CDH18: variants seen among roughly 807,000 people sequenced by gnomAD.
CDH18 encodes cadherin 18.
CDH18 carries 31 observed loss-of-function variants against 67.9 expected under a neutral mutation model. The observed-to-expected ratio is 0.46, with a 90% confidence interval of 0.34 to 0.62. CDH18 has a LOEUF of 0.62. CDH18 is among the 20% of genes least tolerant of loss of function. The pLI is 0.01. For missense variants in CDH18, 890 were observed against 975.5 expected (o/e 0.91, Z 1.17); for synonymous variants, 362 against 347.2 (o/e 1.04, Z -0.48).
At chr5:20,544,390 A>G (rs906846394) in intron 1 of CDH18, among the ~76,000 whole-genome samples, 1 of 152,200 alleles carries the variant, frequency 6.6e-6, no homozygotes, top group Non-Finnish European at 1.5e-5. Context: ...ACATATGTGT[A>G]TATATATATC....
At chr5:20,179,107 T>C (rs1475567287) in intron 2 of CDH18, among the ~76,000 whole-genome samples, 1 of 152,142 alleles carries the variant, frequency 6.6e-6, no homozygotes, top group Non-Finnish European at 1.5e-5. Flanking sequence ...ATAATTTATG[T>C]ACGTTAGAGG....
At chr5:20,149,323 T>G (rs942519260) in intron 2 of CDH18, among the ~76,000 whole-genome samples, 3 of 152,198 alleles carry the variant, frequency 2.0e-5, no homozygotes, top group Admixed American at 2.0e-4. Context: ...AATTTTTATA[T>G]CTTCTGCATT....
intron 2 of CDH18, among the ~76,000 whole-genome samples, chr5:20,139,833 G>T (rs1266141178): frequency 6.6e-6 from 1 of 152,182 alleles, no homozygotes; most frequent in Non-Finnish European, 1.5e-5. Context: ...TGCTGGAGAG[G>T]ATGTGGAGAA....
chr5:19,826,763 C>A (rs1219909638), intron 3 of CDH18, among the ~76,000 whole-genome samples: 2 of 152,068 alleles, frequency 1.3e-5, no homozygotes, highest in South Asian at 2.1e-4. Flanking sequence ...ATACCATTAC[C>A]AGCCAGAACA....
At chr5:19,778,875 T>A (rs1180024591) in intron 3 of CDH18, among the ~76,000 whole-genome samples, 4 of 152,134 alleles carry the variant, frequency 2.6e-5, no homozygotes, top group Non-Finnish European at 5.9e-5. Context: ...CTGCAGCCCC[T>A]GTTTCCTTTT....
At chr5:20,391,781 A>G (rs955544478) in intron 1 of CDH18, among the ~76,000 whole-genome samples, 1 of 152,042 alleles carries the variant, frequency 6.6e-6, no homozygotes, top group African/African-American at 2.4e-5. Context: ...CACAATAGAA[A>G]CAAACTTGAA....
chr5:20,544,445 T>G (rs1007183114), intron 1 of CDH18, among the ~76,000 whole-genome samples: 10 of 152,126 alleles, frequency 6.6e-5, no homozygotes, highest in African/African-American at 2.2e-4. Flanking sequence ...TACCTGAGAC[T>G]AAGTAATTTA....
At chr5:20,169,540 T>C (rs1736539787) in intron 2 of CDH18, among the ~76,000 whole-genome samples, 1 of 152,168 alleles carries the variant, frequency 6.6e-6, no homozygotes, top group Non-Finnish European at 1.5e-5. Context: ...ATCTTGAAAG[T>C]GAATTCTCCT....
intron 2 of CDH18, among the ~76,000 whole-genome samples, chr5:19,857,796 T>C (rs752504458): frequency 2.0e-5 from 3 of 152,200 alleles, no homozygotes; most frequent in Admixed American, 6.5e-5. Flanking sequence ...TGCTACATTT[T>C]ATACCTCAGT....
In CDH18 at chr5:19,994,734, TATATAGAGAG is replaced by T. The variant is rs1291427028; in HGVS notation, c.-517-2730_-517-2721del. Reference sequence around the variant, plus strand: ...ATATATATATATATATATATATATATATATAGAGAGAGAGAGAGAGAGAGAGAGAGAGAGA... The same window carrying T: ...ATATATATATATATATATATATATATAGAGAGAGAGAGAGAGAGAGAGAGA... On this transcript the variant is annotated intron_variant, in intron 2 of 14. Transcript: ENST00000507958. Among the ~76,000 whole-genome samples, 12 of 9,928 alleles carry T rather than the reference TATATAGAGAG, an allele frequency of 1.2e-3. 1 individual carries two copies. The highest frequency in any genetic ancestry group is 2.0e-3 in the Admixed American group (1 of 506). 6.5% of individuals were successfully genotyped at this position (9,928 alleles called of 152,430 possible). A position where few individuals can be genotyped will look rare whatever the true frequency, so the allele number is the denominator to read the frequency against.
At chr5:20,411,955 T>G (rs942081259) in intron 1 of CDH18, among the ~76,000 whole-genome samples, 1 of 152,190 alleles carries the variant, frequency 6.6e-6, no homozygotes, top group African/African-American at 2.4e-5. Flanking sequence ...ATAGTCATAC[T>G]GCTGAAAGCA....
intron 1 of CDH18, among the ~76,000 whole-genome samples, chr5:20,462,088 T>G (rs1178574726): frequency 6.6e-6 from 1 of 152,216 alleles, no homozygotes; most frequent in Admixed American, 6.5e-5. Flanking sequence ...TATTTCATTA[T>G]TTACAACAGC....
intron 1 of CDH18, among the ~76,000 whole-genome samples, chr5:20,538,179 G>A (rs1756835664): frequency 6.6e-6 from 1 of 152,004 alleles, no homozygotes; most frequent in Non-Finnish European, 1.5e-5. Flanking sequence ...TGTAAGAAAT[G>A]GGCAGAAAGT....
chr5:20,513,313 T>C (rs772151291), intron 1 of CDH18, among the ~76,000 whole-genome samples: 21 of 152,148 alleles, frequency 1.4e-4, no homozygotes, highest in South Asian at 2.1e-4. Flanking sequence ...AATTAAGAAC[T>C]GAAGAACACA....
At chr5:20,440,988 A>G (rs1372088723) in intron 1 of CDH18, among the ~76,000 whole-genome samples, 1 of 151,936 alleles carries the variant, frequency 6.6e-6, no homozygotes, top group Non-Finnish European at 1.5e-5. Flanking sequence ...CCAGAATTTC[A>G]TTTTGCATGG....
intron 3 of CDH18, among the ~76,000 whole-genome samples, chr5:19,796,330 G>A (rs1309202552): frequency 6.6e-6 from 1 of 152,042 alleles, no homozygotes; most frequent in African/African-American, 2.4e-5. Flanking sequence ...AAAGCAGCCA[G>A]AGTAAAGTGA....
intron 1 of CDH18, among the ~76,000 whole-genome samples, chr5:20,560,642 C>G (rs780377716): frequency 1.3e-5 from 2 of 151,974 alleles, no homozygotes; most frequent in African/African-American, 4.8e-5. Flanking sequence ...TTAGAAATAG[C>G]CTGACCTTCA....
chr5:20,521,508 T>G lies in CDH18; in HGVS notation c.-580+53954A>C, dbSNP rs574330110. On this transcript the variant is annotated intron_variant, in intron 1 of 14. Coordinates refer to the CDH18 transcript ENST00000507958. ...GGAGTTATTTTGATAAAGTGGTGTT[T>G]AAATGAGTACACAAGAGAATAAAGA... Among the ~76,000 whole-genome samples the G allele has an allele frequency of 4.6e-5, 7 of 152,198 alleles. No homozygotes were observed. In the East Asian group the frequency reaches 1.4e-3, roughly 29 times the overall value.
intron 2 of CDH18, among the ~76,000 whole-genome samples, chr5:20,102,802 A>C (rs2150579003): frequency 6.6e-6 from 1 of 152,314 alleles, no homozygotes; most frequent in Non-Finnish European, 1.5e-5. Flanking sequence ...CACAAGAGTC[A>C]AAATTCTTTA....
Sources: allele counts gnomAD v4.1 joint callset (sites outside exome capture counted in the v4.1 genomes callset), GRCh38; gene constraint gnomAD v4.1.1; transcripts MANE v1.5; gene names NCBI Gene and HGNC (gene_info 2026-07-23, HGNC 2026-07-21).